Variants in C13orf46 observed in about 807,000 individuals in gnomAD.
C13orf46 encodes the protein chromosome 13 open reading frame 46.
the C13orf46 span, among the ~76,000 whole-genome samples, chr13:113,930,357 T>A: frequency 2.4e-5 from 2 of 83,474 alleles, no homozygotes; most frequent in African/African-American, 1.1e-4. Flanking sequence ...AGCACCGAGG[T>A]GGGGGCGCAG....
intron 6 of C13orf46, among the ~76,000 whole-genome samples, chr13:113,963,650 C>T (rs905863827): frequency 2.3e-5 from 2 of 88,172 alleles, no homozygotes; most frequent in Non-Finnish European, 5.8e-5. Context: ...CAGCCTCGCC[C>T]GTCCTCAGCC....
At chr13:113,946,685 C>T in the C13orf46 span, among the ~76,000 whole-genome samples, 4 of 152,254 alleles carry the variant, frequency 2.6e-5, no homozygotes, top group Non-Finnish European at 1.5e-5. Flanking sequence ...TGCCCTATGG[C>T]ATCGTCAGGC....
At chr13:113,932,689 C>T in the C13orf46 span, among the ~76,000 whole-genome samples, 1 of 152,186 alleles carries the variant, frequency 6.6e-6, no homozygotes, top group Non-Finnish European at 1.5e-5. Flanking sequence ...TATAGTGTCT[C>T]TTAAAGGGCA....
At chr13:113,945,632 GAAAGA>G in the C13orf46 span, among the ~76,000 whole-genome samples, 1 of 133,152 alleles carries the variant, frequency 7.5e-6, no homozygotes, top group Admixed American at 7.5e-5. Flanking sequence ...AAGAAAGAAA[GAAAGA>G]AAGAAAGAAA....
At chr13:113,962,463 G>T (rs1313291107) in intron 6 of C13orf46, among the ~76,000 whole-genome samples, 1 of 152,224 alleles carries the variant, frequency 6.6e-6, no homozygotes, top group Non-Finnish European at 1.5e-5. Flanking sequence ...ACGCAAGTGT[G>T]CACGTGAGCT....
the C13orf46 span, among the ~76,000 whole-genome samples, chr13:113,936,808 G>GT: frequency 3.9e-5 from 6 of 152,072 alleles, no homozygotes; most frequent in African/African-American, 7.2e-5. Flanking sequence ...ACCGGTCCAG[G>GT]GGGGGAAATC....
In C13orf46 at chr13:113,962,074, C is replaced by T. The variant is rs1271050271; in HGVS notation, c.572+2853G>A. Among the ~76,000 whole-genome samples, 13 of 152,308 alleles carry T rather than the reference C, an allele frequency of 8.5e-5. No homozygotes were observed. In the South Asian group the frequency reaches 1.4e-3, roughly 17 times the overall value. ...GTTGGGCAGGTACAGGAAAAGGCAA[C>T]ACTAGGAAAAAGAAAATCCAGATCA... On this transcript the variant is annotated intron_variant, in intron 6 of 6. Transcript: ENST00000636427.
At chr13:113,953,521 A>G (rs919157291), downstream of C13orf46, among the ~76,000 whole-genome samples, 2 of 152,064 alleles carry the variant, frequency 1.3e-5, no homozygotes, top group Admixed American at 6.6e-5. Flanking sequence ...TGAGGAAATG[A>G]GCTCAGAGCC....
At chr13:113,933,131 C>T in the C13orf46 span, among the ~76,000 whole-genome samples, 1 of 152,352 alleles carries the variant, frequency 6.6e-6, no homozygotes, top group East Asian at 1.9e-4. Context: ...TCCCAAAGTG[C>T]TGGGATTACA....
chr13:113,947,996 G>A, the C13orf46 span, among the ~76,000 whole-genome samples: 1 of 152,240 alleles, frequency 6.6e-6, no homozygotes, highest in Non-Finnish European at 1.5e-5. Context: ...CTGCCCCAGC[G>A]CCCATCGGGG....
At chr13:113,939,998 C>T in the C13orf46 span, among the ~76,000 whole-genome samples, 2 of 152,320 alleles carry the variant, frequency 1.3e-5, no homozygotes, top group South Asian at 4.1e-4. Context: ...TGGGCTCTGA[C>T]GCAGGGGGAC....
rs967249737 is a variant in C13orf46 at position 113,954,864 on chromosome 13, G to A, written c.*1909C>T. The A allele has an allele frequency of 1.1e-4, 20 of 189,308 alleles. No homozygotes were observed. The highest frequency in any genetic ancestry group is 2.4e-4 in the South Asian group (3 of 12,538). 11.7% of individuals were successfully genotyped at this position (189,308 alleles called of 1,614,324 possible). A position where few individuals can be genotyped will look rare whatever the true frequency, so the allele number is the denominator to read the frequency against. On this transcript the variant is annotated 3_prime_UTR_variant, in exon 7 of 7. Coordinates refer to ENST00000636427, the MANE Select transcript of C13orf46 (RefSeq NM_001365455.2). ...ATCCGGTGGAGATGAGGAGCATCTC[G>A]TGGGGAGGAGGAGCATCTGGCAGAG...
the C13orf46 span, among the ~76,000 whole-genome samples, chr13:113,934,665 C>T: frequency 4.6e-5 from 7 of 152,246 alleles, no homozygotes; most frequent in African/African-American, 1.7e-4. Context: ...TCGAGGCCTG[C>T]CTTTCAGTGG....
At chr13:113,951,600 G>A (rs1349486342), downstream of C13orf46, among the ~76,000 whole-genome samples, 6 of 149,168 alleles carry the variant, frequency 4.0e-5, no homozygotes, top group South Asian at 2.1e-4. Context: ...GGCTGCACTC[G>A]CTCCCCGCCC....
chr13:113,966,754 TATA>T (rs1176832372), intron 5 of C13orf46, among the ~76,000 whole-genome samples: 1 of 151,958 alleles, frequency 6.6e-6, no homozygotes, highest in East Asian at 1.9e-4. Flanking sequence ...ATGGTTGTGA[TATA>T]ATGATGGTGT....
the C13orf46 span, among the ~76,000 whole-genome samples, chr13:113,941,573 G>A: frequency 2.6e-5 from 4 of 152,238 alleles, no homozygotes; most frequent in African/African-American, 9.6e-5. Context: ...GACTCTGTGT[G>A]TGAGGCTGGG....
At chr13:113,970,252 C>T (rs2052689885) in intron 1 of C13orf46, 30 bp from the exon 2 acceptor site, 1 of 152,412 alleles carries the variant, frequency 6.6e-6, no homozygotes, top group Non-Finnish European at 1.5e-5. Flanking sequence ...CCGTCAGCAC[C>T]ATTACACCGC....
chr13:113,941,723 C>T, the C13orf46 span, among the ~76,000 whole-genome samples: 1 of 152,234 alleles, frequency 6.6e-6, no homozygotes, highest in Non-Finnish European at 1.5e-5. Context: ...CGCCAGGCAC[C>T]CTGGGTGCTG....
At chr13:113,948,663 C>T in the C13orf46 span, among the ~76,000 whole-genome samples, 2 of 152,236 alleles carry the variant, frequency 1.3e-5, no homozygotes, top group Admixed American at 6.5e-5. Context: ...GAACCTCACA[C>T]GTTCTGGTAC....
Sources: gnomAD v4.1 joint callset for allele counts (sites outside exome capture counted in the v4.1 genomes callset) on GRCh38, gnomAD v4.1.1 for gene constraint, MANE v1.5 for transcripts, NCBI Gene and HGNC (gene_info 2026-07-23, HGNC 2026-07-21) for gene names.